Variants in JAZF1 observed in about 807,000 individuals in gnomAD.
The protein encoded by JAZF1 is juxtaposed with another zinc finger protein 1.
Under a neutral mutation model 26.4 loss-of-function variants are expected in JAZF1, and 8 were observed. That is an observed-to-expected ratio of 0.30 (90% CI 0.18 to 0.55). JAZF1 has a LOEUF of 0.55. Ranked by LOEUF, JAZF1 falls within the 20% of genes least tolerant of loss-of-function variation. The pLI is 0.94. For synonymous variants in JAZF1, 126 were observed against 122.3 expected, an observed-to-expected ratio of 1.03 and a Z score of -0.20; for missense variants, 199 against 322.0, an observed-to-expected ratio of 0.62 and a Z score of 2.92.
At chr7:28,058,454 T>C (rs1212093972) in intron 1 of JAZF1, among the ~76,000 whole-genome samples, 1 of 152,200 alleles carries the variant, frequency 6.6e-6, no homozygotes. Flanking sequence ...CCAAGGCCAC[T>C]GCTTCACTGA....
chr7:28,000,241 C>G (rs562471601), intron 1 of JAZF1, among the ~76,000 whole-genome samples: 3 of 152,116 alleles, frequency 2.0e-5, no homozygotes, highest in African/African-American at 4.8e-5. Flanking sequence ...CCCCGACCCC[C>G]CATCCACACC....
chr7:27,853,790 C>T (rs145141978), intron 3 of JAZF1, among the ~76,000 whole-genome samples: 2 of 152,184 alleles, frequency 1.3e-5, no homozygotes, highest in East Asian at 1.9e-4. Context: ...TATTTTACTA[C>T]CAATTATGTG....
chr7:28,035,572 C>T (rs1484808891), intron 1 of JAZF1, among the ~76,000 whole-genome samples: 1 of 152,014 alleles, frequency 6.6e-6, no homozygotes, highest in East Asian at 1.9e-4. Flanking sequence ...GCCCTTTCTC[C>T]TAATGGATGA....
At chr7:28,130,744 A>C (rs899001664) in intron 1 of JAZF1, among the ~76,000 whole-genome samples, 1 of 152,146 alleles carries the variant, frequency 6.6e-6, no homozygotes, top group African/African-American at 2.4e-5. Context: ...TCAGGAGTCT[A>C]ATTGGTATTT....
chr7:27,851,949 A>G (rs576509889), intron 3 of JAZF1, among the ~76,000 whole-genome samples: 1 of 151,886 alleles, frequency 6.6e-6, no homozygotes, highest in Admixed American at 6.6e-5. Flanking sequence ...ATGGACCCAC[A>G]CTGATGCCTG....
intron 2 of JAZF1, among the ~76,000 whole-genome samples, chr7:27,927,886 A>G (rs1784625200): frequency 6.6e-6 from 1 of 152,156 alleles, no homozygotes; most frequent in African/African-American, 2.4e-5. Context: ...CCCCAAATCA[A>G]TTTTCAGGAA....
intron 2 of JAZF1, among the ~76,000 whole-genome samples, chr7:27,979,849 G>A (rs1395125411): frequency 1.3e-5 from 2 of 152,028 alleles, no homozygotes; most frequent in Admixed American, 1.3e-4. Context: ...TACAGCTGAG[G>A]CCTGTTATGC....
At chr7:27,937,642 A>C (rs1784779089) in intron 2 of JAZF1, among the ~76,000 whole-genome samples, 1 of 152,246 alleles carries the variant, frequency 6.6e-6, no homozygotes, top group Admixed American at 6.5e-5. Flanking sequence ...AAAAAAATTA[A>C]GCAATCAGTG....
chr7:27,885,676 AT>A (rs777838081), intron 3 of JAZF1, among the ~76,000 whole-genome samples: 20 of 149,020 alleles, frequency 1.3e-4, no homozygotes, highest in Admixed American at 2.7e-4. Context: ...TCCAACTTCC[AT>A]TTTTTTTTTC....
chr7:27,923,833 G>C (rs1024538837), intron 2 of JAZF1, among the ~76,000 whole-genome samples: 4 of 152,202 alleles, frequency 2.6e-5, no homozygotes, highest in African/African-American at 4.8e-5. Context: ...ACCAATTTTT[G>C]AGCACTATGA....
chr7:27,954,864 TCTC>T (rs1243673870), intron 2 of JAZF1, among the ~76,000 whole-genome samples: 2 of 152,188 alleles, frequency 1.3e-5, no homozygotes, highest in Non-Finnish European at 2.9e-5. Context: ...TTCAAGGGAT[TCTC>T]CTGTCTCAGC....
In JAZF1 at chr7:28,040,451, T is replaced by G. The variant is rs117713240; in HGVS notation, c.116-48470A>C. Among the ~76,000 whole-genome samples the G allele has an allele frequency of 5.2e-3, 793 of 152,248 alleles. 4 individuals are homozygous for G. The highest frequency in any genetic ancestry group is 0.014 in the Middle Eastern group (4 of 294). On this transcript the variant is annotated intron_variant, in intron 1 of 4. Transcript: ENST00000283928. ...GAGTAATGTAATCAAGAGTGACTGGTAAGGCCTCTGTGAAGAGGAAGAACT... is the reference window on the plus strand; with the variant it reads ...GAGTAATGTAATCAAGAGTGACTGGGAAGGCCTCTGTGAAGAGGAAGAACT...
At chr7:27,988,521 G>A (rs1785812027) in intron 2 of JAZF1, among the ~76,000 whole-genome samples, 1 of 151,934 alleles carries the variant, frequency 6.6e-6, no homozygotes, top group South Asian at 2.1e-4. Context: ...GGATACAGGT[G>A]TACACTACCA....
intron 1 of JAZF1, among the ~76,000 whole-genome samples, chr7:28,151,497 T>C (rs1227787827): frequency 6.6e-6 from 1 of 152,006 alleles, no homozygotes; most frequent in Non-Finnish European, 1.5e-5. Flanking sequence ...TTTTCTACAA[T>C]ACTTTCAAAA....
chr7:27,903,152 C>T (rs1453850651), intron 2 of JAZF1, among the ~76,000 whole-genome samples: 2 of 152,040 alleles, frequency 1.3e-5, no homozygotes, highest in Admixed American at 6.5e-5. Flanking sequence ...TAAATACTGC[C>T]ATCATGAGTT....
At chr7:28,043,713 C>G (rs757022751) in intron 1 of JAZF1, among the ~76,000 whole-genome samples, 2 of 151,864 alleles carry the variant, frequency 1.3e-5, no homozygotes, top group Non-Finnish European at 2.9e-5. Flanking sequence ...TCCATAGTAG[C>G]CAGAATGGAA....
chr7:28,097,690 G>C (rs2127925684), intron 1 of JAZF1, among the ~76,000 whole-genome samples: 1 of 152,340 alleles, frequency 6.6e-6, no homozygotes, highest in South Asian at 2.1e-4. Context: ...CCTTTGGGAG[G>C]AGGTGGGATT....
intron 1 of JAZF1, among the ~76,000 whole-genome samples, chr7:28,042,788 T>C (rs1783415941): frequency 6.6e-6 from 1 of 152,200 alleles, no homozygotes; most frequent in African/African-American, 2.4e-5. Context: ...ACATACTATA[T>C]GGGTTTGTAG....
chr7:27,932,756 C>T (rs1346096598), intron 2 of JAZF1, among the ~76,000 whole-genome samples: 1 of 152,190 alleles, frequency 6.6e-6, no homozygotes, highest in Non-Finnish European at 1.5e-5. Flanking sequence ...ACTCACACTC[C>T]TGCAAACCTA....
Sources: allele counts gnomAD v4.1 joint callset (sites outside exome capture counted in the v4.1 genomes callset), GRCh38; gene constraint gnomAD v4.1.1; transcripts MANE v1.5; gene names NCBI Gene and HGNC (gene_info 2026-07-23, HGNC 2026-07-21).